Variants in RPGRIP1 observed in about 807,000 individuals in gnomAD.
RPGRIP1 encodes RPGR interacting protein 1, also known as X-linked retinitis pigmentosa GTPase regulator-interacting protein 1.
RPGRIP1 carries 128 observed loss-of-function variants against 157.9 expected under a neutral mutation model. That is an observed-to-expected ratio of 0.81 (90% CI 0.70 to 0.94). The LOEUF (loss-of-function observed/expected upper bound fraction) is 0.94. RPGRIP1 is among the 40% of genes least tolerant of loss of function. RPGRIP1 has a pLI of 0.00. For missense variants in RPGRIP1, 1,486 were observed against 1,545.8 expected, an observed-to-expected ratio of 0.96 and a Z score of 0.65; for synonymous variants, 554 against 571.6, an observed-to-expected ratio of 0.97 and a Z score of 0.44.
intron 2 of RPGRIP1, among the ~76,000 whole-genome samples, chr14:21,288,429 C>T (rs1426176293): frequency 6.6e-6 from 1 of 151,894 alleles, no homozygotes; most frequent in African/African-American, 2.4e-5. Flanking sequence ...GATCTGCCCT[C>T]CTCGGGCTCC....
chr14:21,292,791 A>G (rs1457187372), intron 2 of RPGRIP1, among the ~76,000 whole-genome samples: 1 of 152,166 alleles, frequency 6.6e-6, no homozygotes, highest in Non-Finnish European at 1.5e-5. Context: ...CGGAGGTTGC[A>G]GTGAGCCAAG....
intron 2 of RPGRIP1, among the ~76,000 whole-genome samples, chr14:21,293,009 G>A (rs1200843753): frequency 6.6e-6 from 1 of 151,876 alleles, no homozygotes; most frequent in Non-Finnish European, 1.5e-5. Context: ...AGCCAGGTGT[G>A]GTGGCAGGTG....
chr14:21,330,023 CAGG>C (rs1455059267), intron 19 of RPGRIP1, among the ~76,000 whole-genome samples: 1 of 151,062 alleles, frequency 6.6e-6, no homozygotes, highest in Non-Finnish European at 1.5e-5. Flanking sequence ...GAGGCTGAGG[CAGG>C]AGAATTGCTT....
intron 1 of RPGRIP1, among the ~76,000 whole-genome samples, chr14:21,282,038 T>G (rs922069059): frequency 5.9e-5 from 9 of 152,036 alleles, no homozygotes; most frequent in Non-Finnish European, 8.8e-5. Context: ...GAGGTTGCAG[T>G]AAACTGAGAT....
intron 23 of RPGRIP1, among the ~76,000 whole-genome samples, chr14:21,347,813 C>G (rs762498144): frequency 1.4e-4 from 22 of 152,178 alleles, no homozygotes; most frequent in African/African-American, 5.3e-4. Context: ...ACTGCATCCT[C>G]GACCTCCTGG....
intron 4 of RPGRIP1, among the ~76,000 whole-genome samples, 154 bp from the exon 5 acceptor site, chr14:21,302,334 T>TA (rs11311589): frequency 1.7e-4 from 26 of 150,052 alleles, no homozygotes; most frequent in African/African-American, 5.9e-4. Context: ...TTTGCAAGAG[T>TA]AAAAAAAAAA....
At position 21,320,019 on chromosome 14, in the gene RPGRIP1, C is replaced by A. The variant is rs1279095388; in HGVS notation, c.1309C>A (p.Gln437Lys). Reference protein sequence around the residue: ...VLLELSREKAQNEDLKLEVTN... With the variant: ...VLLELSREKAKNEDLKLEVTN... ...ATTTCTGGATTATTTTTCCCCAGCCCAAAATGAGGATCTGAAGCTTGAAGT... is the reference window on the plus strand; with the variant it reads ...ATTTCTGGATTATTTTTCCCCAGCCAAAAATGAGGATCTGAAGCTTGAAGT... Residue 437 changes from glutamine (Q) to lysine (K), a missense_variant and splice_region_variant, in exon 12 of 25, where the codon CAA becomes AAA. Gln to Lys is a moderately conservative substitution (Grantham distance 53, BLOSUM62 1). Coordinates refer to ENST00000400017, the MANE Select transcript of RPGRIP1 (RefSeq NM_020366.4). 1 of 1,610,022 alleles carries A rather than the reference C, an allele frequency of 6.2e-7. No homozygotes were observed. Among genetic ancestry groups the A allele is most frequent in the East Asian group, 2.2e-5 (1 of 44,794 alleles).
In RPGRIP1 at chr14:21,303,317, C is replaced by T. The variant is rs1215132772; in HGVS notation, c.588-14C>T. 1.9e-6 allele frequency: 3 copies of T among 1,591,078 alleles called. No homozygotes were observed. Among genetic ancestry groups the T allele is most frequent in the South Asian group, 1.1e-5 (1 of 89,406 alleles). On this transcript the variant is annotated splice_polypyrimidine_tract_variant and intron_variant, in intron 5 of 24. Coordinates refer to ENST00000400017, the MANE Select transcript of RPGRIP1 (RefSeq NM_020366.4). Reference sequence around the variant, plus strand: ...CCTGTAACAACAGTTTCTAAGTATCCTTTTTGTATTTAGTGTTTCTGGTTC... The same window carrying T: ...CCTGTAACAACAGTTTCTAAGTATCTTTTTTGTATTTAGTGTTTCTGGTTC...
In RPGRIP1 at chr14:21,294,757, G is replaced by T; in HGVS notation, c.166G>T (p.Asp56Tyr). Residue 56 changes from aspartate to tyrosine, a missense_variant, in exon 3 of 25, where the codon GAT becomes TAT. Coordinates refer to ENST00000400017, the MANE Select transcript of RPGRIP1 (RefSeq NM_020366.4). ...GGACAGTTTCTTTCGACTTCGCGAAGATCACATGTTGGTGAAGGAGCTTTC... is the reference window on the plus strand; with the variant it reads ...GGACAGTTTCTTTCGACTTCGCGAATATCACATGTTGGTGAAGGAGCTTTC... Reference protein sequence around the residue: ...LEDSFFRLREDHMLVKELSWK... With the variant: ...LEDSFFRLREYHMLVKELSWK... 6.2e-7 allele frequency: 1 copy of T among 1,600,472 alleles called. No individual in the cohort carries two copies. Among genetic ancestry groups the T allele is most frequent in the South Asian group, 1.1e-5 (1 of 90,894 alleles).
At chr14:21,297,883 T>TCTTTCTTTCTTTCTTTCTTTCTTTCTTTC (rs1594170266) in intron 3 of RPGRIP1, among the ~76,000 whole-genome samples, 1 of 151,750 alleles carries the variant, frequency 6.6e-6, no homozygotes, top group African/African-American at 2.4e-5. Flanking sequence ...CTTTCTTTTT[T>TCTTTCTTTCTTTCTTTCTTTCTTTCTTTC]TTGAGATAGG....
intron 10 of RPGRIP1, among the ~76,000 whole-genome samples, chr14:21,315,974 G>GTTTTTTT (rs35698876): frequency 1.9e-5 from 2 of 107,392 alleles, no homozygotes; most frequent in Admixed American, 1.0e-4. Context: ...AATTTTTGTG[G>GTTTTTTT]TTTTTTTTTT....
In RPGRIP1 at chr14:21,351,108, T is replaced by C. The variant is rs1305002981; in HGVS notation, c.3753T>C (p.Val1251=). The change falls in exon 25 of 25, where the codon GTT becomes GTC. Residue 1251 remains valine (V), a synonymous_variant. Coordinates refer to ENST00000400017, the MANE Select transcript of RPGRIP1 (RefSeq NM_020366.4). ...RDILEQELDI[V]SPEDLATPIG... Reference sequence around the variant, plus strand: ...TTTTTTTCCCTTTCCCAACAGTTGTTAGCCCTGAAGATCTGGCTACCCCAA... The same window carrying C: ...TTTTTTTCCCTTTCCCAACAGTTGTCAGCCCTGAAGATCTGGCTACCCCAA... 2 of 1,600,340 alleles carry C rather than the reference T, an allele frequency of 1.2e-6. No homozygotes were observed. The highest frequency in any genetic ancestry group is 1.7e-6 in the Non-Finnish European group (2 of 1,170,638).
chr14:21,338,003 GC>G (rs1566359918), intron 21 of RPGRIP1, among the ~76,000 whole-genome samples: 1 of 151,916 alleles, frequency 6.6e-6, no homozygotes, highest in African/African-American at 2.4e-5. Flanking sequence ...TGCAACCTCC[GC>G]CCCCCAGGTT....
chr14:21,317,128 A>G (rs960815343), intron 10 of RPGRIP1, among the ~76,000 whole-genome samples: 1 of 151,828 alleles, frequency 6.6e-6, no homozygotes, highest in Non-Finnish European at 1.5e-5. Context: ...TCAAAAAAAA[A>G]AGAAAAAAGA....
In RPGRIP1 at chr14:21,324,764, C is replaced by G. The variant is rs1454437229; in HGVS notation, c.1909C>G (p.Leu637Val). The change falls in exon 15 of 25, where the codon CTG (leucine) becomes GTG (valine). Residue 637 changes from leucine to valine, a missense_variant. Coordinates refer to ENST00000400017, the MANE Select transcript of RPGRIP1 (RefSeq NM_020366.4). ...LFELHIHQAF[L>V]TSAALAQAGD... Reference sequence around the variant, plus strand: ...TGAACTGCACATCCACCAGGCCTTCCTGACATCTGCCGCCCTAGCTCAGGC... The same window carrying G: ...TGAACTGCACATCCACCAGGCCTTCGTGACATCTGCCGCCCTAGCTCAGGC... 6.2e-6 allele frequency: 10 copies of G among 1,614,072 alleles called. No individual in the cohort carries two copies. The highest frequency in any genetic ancestry group is 8.5e-6 in the Non-Finnish European group (10 of 1,179,906).
At chr14:21,331,936 A>ATT (rs397852575) in intron 20 of RPGRIP1, among the ~76,000 whole-genome samples, 46 of 130,658 alleles carry the variant, frequency 3.5e-4, no homozygotes, top group East Asian at 6.5e-4. Context: ...TATATATATA[A>ATT]TTTTTTTTTT....
At position 21,321,378 on chromosome 14, in the gene RPGRIP1, G is replaced by T. The variant is rs765874054; in HGVS notation, c.1587G>T (p.Gln529His). The T allele has an allele frequency of 3.1e-6, 5 of 1,611,932 alleles. No homozygotes were observed. Among genetic ancestry groups the T allele is most frequent in the Non-Finnish European group, 4.2e-6 (5 of 1,179,404 alleles). Residue 529 changes from glutamine to histidine, a missense_variant, in exon 13 of 25, where the codon CAG (glutamine) becomes CAT (histidine). Physicochemically the swap from Gln to His is conservative, Grantham distance 24. Coordinates refer to ENST00000400017, the MANE Select transcript of RPGRIP1 (RefSeq NM_020366.4). ...LEKTRDMLIL[Q>H]RKINVCYQEE... ...AGACCAGGGACATGCTTATTCTGCA[G>T]CGCAAAATCAACGTGTGTTATCAGG...
intron 17 of RPGRIP1, 74 bp from the exon 18 acceptor site, chr14:21,327,549 A>G: frequency 8.4e-7 from 1 of 1,185,438 alleles, no homozygotes; most frequent in Non-Finnish European, 1.2e-6. Flanking sequence ...GGAAGGAAGT[A>G]GATAAGGTGC....
At chr14:21,326,707 T>A (rs1177191819) in intron 17 of RPGRIP1, among the ~76,000 whole-genome samples, 1 of 152,086 alleles carries the variant, frequency 6.6e-6, no homozygotes, top group East Asian at 1.9e-4. Context: ...CTGTCTAGTA[T>A]CTGTCTTTAC....
Sources: allele counts gnomAD v4.1 joint callset (sites outside exome capture counted in the v4.1 genomes callset), GRCh38; gene constraint gnomAD v4.1.1; transcripts MANE v1.5; gene names NCBI Gene and HGNC (gene_info 2026-07-23, HGNC 2026-07-21).